SKAP1: variants seen among roughly 807,000 people sequenced by gnomAD.
SKAP1 encodes src kinase-associated phosphoprotein 1.
A neutral mutation model predicts 58.5 loss-of-function variants in SKAP1; 44 were observed. That is an observed-to-expected ratio of 0.75 (90% CI 0.59 to 0.97). The LOEUF is 0.97. SKAP1 is among the 50% of genes least tolerant of loss of function. The pLI is 0.00. For missense variants in SKAP1, 390 were observed against 435.2 expected, an observed-to-expected ratio of 0.90 and a Z score of 0.92; for synonymous variants, 127 against 149.7, an observed-to-expected ratio of 0.85 and a Z score of 1.11.
intron 4 of SKAP1, among the ~76,000 whole-genome samples, chr17:48,276,780 A>G (rs1409295864): frequency 6.6e-6 from 1 of 152,216 alleles, no homozygotes; most frequent in African/African-American, 2.4e-5. Flanking sequence ...CAGTACTTTC[A>G]GAGGTCTTAC....
intron 4 of SKAP1, among the ~76,000 whole-genome samples, chr17:48,191,540 C>A (rs1218480315): frequency 6.6e-6 from 1 of 152,164 alleles, no homozygotes; most frequent in Non-Finnish European, 1.5e-5. Context: ...AACATTTATT[C>A]AATGGTGGCT....
intron 4 of SKAP1, among the ~76,000 whole-genome samples, chr17:48,340,889 A>G (rs2066642327): frequency 6.6e-6 from 1 of 152,224 alleles, no homozygotes; most frequent in African/African-American, 2.4e-5. Context: ...CAGTGAAAAA[A>G]GCAATAAGGA....
chr17:48,360,347 T>C (rs1209376068), intron 3 of SKAP1, among the ~76,000 whole-genome samples: 2 of 152,120 alleles, frequency 1.3e-5, no homozygotes, highest in Non-Finnish European at 2.9e-5. Flanking sequence ...ACTAACTCAT[T>C]TTATAAAAGG....
intron 4 of SKAP1, among the ~76,000 whole-genome samples, chr17:48,288,611 A>G (rs555779827): frequency 6.6e-6 from 1 of 152,300 alleles, no homozygotes; most frequent in African/African-American, 2.4e-5. Flanking sequence ...GCTTGAACCC[A>G]GGAGATGGAG....
At chr17:48,219,221 G>T (rs1253506660) in intron 4 of SKAP1, among the ~76,000 whole-genome samples, 1 of 152,106 alleles carries the variant, frequency 6.6e-6, no homozygotes, top group Non-Finnish European at 1.5e-5. Flanking sequence ...CCATTGTTGA[G>T]AAACTAAAAC....
At chr17:48,237,394 T>A (rs996228506) in intron 4 of SKAP1, among the ~76,000 whole-genome samples, 5 of 152,248 alleles carry the variant, frequency 3.3e-5, no homozygotes, top group African/African-American at 1.2e-4. Context: ...AAAAATGTTC[T>A]GGTCAAAACT....
At chr17:48,274,093 A>T (rs2144000048) in intron 4 of SKAP1, among the ~76,000 whole-genome samples, 1 of 152,074 alleles carries the variant, frequency 6.6e-6, no homozygotes, top group South Asian at 2.1e-4. Context: ...CTGGCTAATT[A>T]AAAAAAATTT....
intron 11 of SKAP1, among the ~76,000 whole-genome samples, chr17:48,161,312 C>T (rs1314541476): frequency 6.6e-6 from 1 of 152,182 alleles, no homozygotes; most frequent in Non-Finnish European, 1.5e-5. Flanking sequence ...TCAGTTTTCC[C>T]TTATGGAATC....
chr17:48,416,754 G>A (rs777171168), intron 1 of SKAP1, among the ~76,000 whole-genome samples: 1 of 152,202 alleles, frequency 6.6e-6, no homozygotes, highest in Non-Finnish European at 1.5e-5. Context: ...CTTGTATAAA[G>A]TCTCATTGAC....
intron 4 of SKAP1, among the ~76,000 whole-genome samples, chr17:48,338,659 G>A (rs2066608176): frequency 6.6e-6 from 1 of 152,074 alleles, no homozygotes; most frequent in Admixed American, 6.5e-5. Context: ...ACTTTACTGG[G>A]TACTGGATGA....
intron 4 of SKAP1, among the ~76,000 whole-genome samples, chr17:48,229,001 A>G (rs573610642): frequency 2.4e-4 from 36 of 151,770 alleles, no homozygotes; most frequent in Admixed American, 2.2e-3. Flanking sequence ...CAGAGAGGAG[A>G]CCTCTCTGCC....
chr17:48,139,350 T>C (rs932557563), intron 11 of SKAP1, among the ~76,000 whole-genome samples: 32 of 151,646 alleles, frequency 2.1e-4, no homozygotes, highest in East Asian at 1.9e-3. Flanking sequence ...CCCAGCTAAT[T>C]TTTTGTATTT....
intron 4 of SKAP1, among the ~76,000 whole-genome samples, chr17:48,206,109 C>G (rs909617322): frequency 6.6e-6 from 1 of 152,142 alleles, no homozygotes; most frequent in Admixed American, 6.5e-5. Context: ...ACTGATGGAT[C>G]ATCTGGTGTG....
intron 2 of SKAP1, among the ~76,000 whole-genome samples, chr17:48,369,180 T>TAAATAAATAAATAAATAA (rs1567886530): frequency 1.9e-4 from 23 of 121,952 alleles, no homozygotes; most frequent in African/African-American, 7.9e-4. Context: ...TAAATAAATA[T>TAAATAAATAAATAAATAA]AAAATAAAGA....
intron 4 of SKAP1, among the ~76,000 whole-genome samples, chr17:48,235,929 T>A (rs2065175584): frequency 6.6e-6 from 1 of 152,204 alleles, no homozygotes; most frequent in Admixed American, 6.5e-5. Context: ...CACTTGCTTT[T>A]CTTTGAGAAA....
At chr17:48,402,119 T>G (rs1208616526) in intron 1 of SKAP1, among the ~76,000 whole-genome samples, 2 of 152,226 alleles carry the variant, frequency 1.3e-5, no homozygotes, top group African/African-American at 4.8e-5. Flanking sequence ...AGAACAACAA[T>G]GAATGTTGTT....
intron 9 of SKAP1, among the ~76,000 whole-genome samples, chr17:48,178,882 A>G (rs1012997437): frequency 2.6e-5 from 4 of 152,198 alleles, no homozygotes; most frequent in African/African-American, 9.6e-5. Flanking sequence ...TGGAAGTGCT[A>G]GGAGAAGAAG....
chr17:48,254,662 C>T (rs139311952), intron 4 of SKAP1, among the ~76,000 whole-genome samples: 45 of 149,676 alleles, frequency 3.0e-4, no homozygotes, highest in African/African-American at 1.1e-3. Flanking sequence ...TTACTGAACG[C>T]CTACTAGATG....
chr17:48,187,367 A>G (rs995498005), intron 6 of SKAP1, among the ~76,000 whole-genome samples: 4 of 152,188 alleles, frequency 2.6e-5, no homozygotes, highest in Admixed American at 1.3e-4. Context: ...TTCCATGGCT[A>G]TAGGAATGTC....
Sources: allele counts gnomAD v4.1 joint callset (sites outside exome capture counted in the v4.1 genomes callset), GRCh38; gene constraint gnomAD v4.1.1; transcripts MANE v1.5; gene names NCBI Gene and HGNC (gene_info 2026-07-23, HGNC 2026-07-21).